The following CSMD1 variants were observed in gnomAD, a reference collection of about 807,000 sequenced individuals.
CSMD1 encodes CUB and sushi domain-containing protein 1.
A neutral mutation model predicts 417.5 loss-of-function variants in CSMD1; 213 were observed. That is an observed-to-expected ratio of 0.51 (90% confidence interval 0.46 to 0.57). The LOEUF is 0.57. Ranked by LOEUF, CSMD1 falls within the 20% of genes least tolerant of loss-of-function variation. The pLI, the probability that CSMD1 is intolerant of heterozygous loss-of-function variation, is 0.00. For synonymous variants in CSMD1, 2,862 were observed against 1,736.8 expected (o/e 1.65, Z -16.11); for missense variants, 6,923 against 4,529.7 (o/e 1.53, Z -15.17).
intron 27 of CSMD1, among the ~76,000 whole-genome samples, chr8:3,227,801 T>A (rs1166412339): frequency 1.3e-5 from 2 of 151,676 alleles, no homozygotes; most frequent in African/African-American, 4.8e-5. Context: ...AGAGTCTCAC[T>A]CTGTTGCACA....
At position 3,182,490 on chromosome 8, in the gene CSMD1, C is replaced by G. The variant is rs570320093; in HGVS notation, c.5621-1276G>C. On this transcript the variant is annotated intron_variant, in intron 36 of 69. Coordinates refer to ENST00000635120, the MANE Select transcript of CSMD1 (RefSeq NM_033225.6). ...TCGGCCTCCCAAAGTCCTGGGATTA[C>G]AGGTGTGAGCCACTGCACCCGGCCC... Among the ~76,000 whole-genome samples, 4 of 152,190 alleles carry G rather than the reference C, an allele frequency of 2.6e-5. No homozygotes were observed. The East Asian group carries it at 7.8e-4, about 30-fold the overall frequency.
At chr8:3,806,416 G>C (rs374371926) in intron 5 of CSMD1, among the ~76,000 whole-genome samples, 1 of 152,156 alleles carries the variant, frequency 6.6e-6, no homozygotes, top group Non-Finnish European at 1.5e-5. Flanking sequence ...AAGCCCTCAA[G>C]CATCCTGATA....
chr8:4,846,912 C>G (rs557505345), intron 1 of CSMD1, among the ~76,000 whole-genome samples: 1 of 151,932 alleles, frequency 6.6e-6, no homozygotes, highest in African/African-American at 2.4e-5. Flanking sequence ...AACTAAAAAC[C>G]ATGTGCTTCT....
chr8:4,044,420 G>T (rs368152124), intron 3 of CSMD1, among the ~76,000 whole-genome samples: 1 of 152,032 alleles, frequency 6.6e-6, no homozygotes, highest in African/African-American at 2.4e-5. Flanking sequence ...GTCATTCCAA[G>T]CTCTAAAATT....
At chr8:4,025,963 A>G (rs1270027660) in intron 4 of CSMD1, among the ~76,000 whole-genome samples, 1 of 152,166 alleles carries the variant, frequency 6.6e-6, no homozygotes, top group African/African-American at 2.4e-5. Flanking sequence ...TAACCCTGGC[A>G]AAAGATCATT....
intron 1 of CSMD1, among the ~76,000 whole-genome samples, chr8:4,910,764 C>A (rs145989134): frequency 1.7e-4 from 26 of 152,268 alleles, no homozygotes; most frequent in African/African-American, 6.0e-4. Context: ...TGTCTCACCC[C>A]AACAAGGACC....
At chr8:3,144,875 G>A (rs575635869) in intron 40 of CSMD1, among the ~76,000 whole-genome samples, 343 of 151,708 alleles carry the variant, frequency 2.3e-3, no homozygotes, top group African/African-American at 7.5e-3. Flanking sequence ...GTTTGGAGCT[G>A]TCTCCTCTGC....
chr8:3,088,441 C>T (rs2897378), intron 48 of CSMD1, among the ~76,000 whole-genome samples: 91,840 of 152,028 alleles, frequency 0.6, 27,835 homozygotes, highest in African/African-American at 0.63. Flanking sequence ...AGCACACACA[C>T]GCAGGTCTGA....
chr8:3,846,531 G>A (rs1803515976), intron 5 of CSMD1, among the ~76,000 whole-genome samples: 1 of 152,118 alleles, frequency 6.6e-6, no homozygotes, highest in Non-Finnish European at 1.5e-5. Flanking sequence ...AATGGTGGGT[G>A]GATTAATTGG....
chr8:3,243,062 G>C (rs1260058084), intron 26 of CSMD1, among the ~76,000 whole-genome samples: 1 of 152,034 alleles, frequency 6.6e-6, no homozygotes, highest in Non-Finnish European at 1.5e-5. Flanking sequence ...GAAAATGAAA[G>C]GAATTGAAAT....
At chr8:4,330,321 G>A (rs76834120) in intron 3 of CSMD1, among the ~76,000 whole-genome samples, 4,096 of 151,636 alleles carry the variant, frequency 0.027, 93 homozygotes, top group Middle Eastern at 0.11. Flanking sequence ...TGGGCTGGGC[G>A]TGCTGGCTCA....
intron 5 of CSMD1, among the ~76,000 whole-genome samples, chr8:3,923,154 G>T (rs917972330): frequency 6.6e-6 from 1 of 152,086 alleles, no homozygotes; most frequent in Non-Finnish European, 1.5e-5. Flanking sequence ...AGACCACGCC[G>T]AAGCTTCATG....
At chr8:3,701,449 G>C (rs369300087) in intron 7 of CSMD1, among the ~76,000 whole-genome samples, 154 of 152,134 alleles carry the variant, frequency 1.0e-3, no homozygotes, top group Middle Eastern at 3.4e-3. Flanking sequence ...TGGCGGTTAT[G>C]GTGCTAAACT....
intron 42 of CSMD1, among the ~76,000 whole-genome samples, chr8:3,114,720 T>C (rs985408281): frequency 2.6e-5 from 4 of 152,152 alleles, no homozygotes; most frequent in African/African-American, 9.7e-5. Context: ...ATAGTTATTT[T>C]TATTCTCTAT....
intron 7 of CSMD1, among the ~76,000 whole-genome samples, chr8:3,658,755 C>G (rs1428799870): frequency 6.6e-6 from 1 of 151,982 alleles, no homozygotes; most frequent in Non-Finnish European, 1.5e-5. Flanking sequence ...TGAACTTCAG[C>G]CTGGGTGACA....
chr8:3,850,464 G>A (rs1259643071), intron 5 of CSMD1, among the ~76,000 whole-genome samples: 1 of 152,268 alleles, frequency 6.6e-6, no homozygotes, highest in South Asian at 2.1e-4. Flanking sequence ...GAAGGCTGAG[G>A]CAGGCAGATA....
chr8:4,990,456 C>T (rs1427536081), intron 1 of CSMD1, among the ~76,000 whole-genome samples: 1 of 152,070 alleles, frequency 6.6e-6, no homozygotes, highest in Non-Finnish European at 1.5e-5. Context: ...CTCCACCTCC[C>T]GGGTTCAAGA....
intron 2 of CSMD1, among the ~76,000 whole-genome samples, chr8:4,581,899 T>A (rs942291766): frequency 2.0e-5 from 3 of 152,114 alleles, no homozygotes; most frequent in Non-Finnish European, 4.4e-5. Flanking sequence ...GTCCCCTACA[T>A]CCACCATCAA....
At chr8:4,278,903 C>T (rs529065193) in intron 3 of CSMD1, among the ~76,000 whole-genome samples, 3 of 152,292 alleles carry the variant, frequency 2.0e-5, no homozygotes, top group East Asian at 1.9e-4. Context: ...AGGATAACTT[C>T]TCTGAAAGTA....
Sources: allele counts gnomAD v4.1 joint callset (sites outside exome capture counted in the v4.1 genomes callset), GRCh38; gene constraint gnomAD v4.1.1; transcripts MANE v1.5; gene names NCBI Gene and HGNC (gene_info 2026-07-23, HGNC 2026-07-21).